SMC4: variants seen among roughly 807,000 people sequenced by gnomAD.
The protein encoded by SMC4 is structural maintenance of chromosomes protein 4.
A neutral mutation model predicts 145.6 loss-of-function variants in SMC4; 87 were observed. The ratio of observed to expected loss-of-function variants is 0.60; its 90% confidence interval spans 0.50 to 0.71. The LOEUF is 0.71. SMC4 is among the 30% of genes least tolerant of loss of function. The probability of loss-of-function intolerance (pLI) is 0.00; values close to 1 mark genes in which losing one functional copy is unlikely to be tolerated. For synonymous variants in SMC4, 558 were observed against 500.7 expected (o/e 1.11, Z -1.53); for missense variants, 1,447 against 1,537.1 (o/e 0.94, Z 0.98).
chr3:160,413,793 T>C (rs1716286203), intron 8 of SMC4, 180 bp downstream of exon 8: 1 of 413,406 alleles, frequency 2.4e-6, no homozygotes, highest in Non-Finnish European at 4.3e-6. Context: ...CAGATGAAAT[T>C]CCCTACTCTG....
chr3:160,423,386 T>G (rs1553774385), intron 13 of SMC4, 39 bp from the exon 14 acceptor site: 1 of 1,234,650 alleles, frequency 8.1e-7, no homozygotes, highest in Admixed American at 2.5e-5. Context: ...TTCTTTTTTG[T>G]TAACTGTTGT....
intron 9 of SMC4, among the ~76,000 whole-genome samples, chr3:160,415,481 T>C (rs1716483774): frequency 6.6e-6 from 1 of 152,254 alleles, no homozygotes; most frequent in Non-Finnish European, 1.5e-5. Context: ...AAAAAAGCTT[T>C]GTTCCATATG....
chr3:160,414,417 C>A lies in SMC4; in HGVS notation c.1172C>A (p.Thr391Lys). Residue 391 changes from threonine to lysine, a missense_variant, in exon 9 of 24, where the codon ACA becomes AAA. By Grantham distance (78) the Thr-to-Lys change is moderately conservative. Coordinates refer to ENST00000357388, the MANE Select transcript of SMC4 (RefSeq NM_001002800.3). ...KFIEENKEKF[T>K]QLDLEDVQVR... ...ATTGAGGAGAATAAAGAAAAATTTA[C>A]ACAGCTAGATTTGGAAGATGTTCAA... The A allele has an allele frequency of 6.2e-7, 1 of 1,608,986 alleles. No homozygotes were observed. Among genetic ancestry groups the A allele is most frequent in the Non-Finnish European group, 8.5e-7 (1 of 1,177,454 alleles).
intron 11 of SMC4, 88 bp downstream of exon 11, chr3:160,418,044 G>A: frequency 9.9e-7 from 1 of 1,015,110 alleles, no homozygotes; most frequent in South Asian, 1.5e-5. Context: ...CGTCAGAGGT[G>A]ACTAGTGATA....
intron 6 of SMC4, 70 bp downstream of exon 6, chr3:160,412,154 C>A: frequency 6.6e-7 from 1 of 1,524,914 alleles, no homozygotes; most frequent in South Asian, 1.2e-5. Flanking sequence ...TTTAGTAAGT[C>A]AGATATTCAT....
At position 160,423,360 on chromosome 3, in the gene SMC4, T is replaced by G. The variant is rs563064992; in HGVS notation, c.2020-65T>G. On this transcript the variant is annotated intron_variant, in intron 13 of 23. Coordinates refer to ENST00000357388, the MANE Select transcript of SMC4 (RefSeq NM_001002800.3). ...ATTTATTCCTATGGGTTTTTTTTTG[T>G]TTTTTTTTTTGAGTTTTCTTTTTTG... The G allele has an allele frequency of 7.1e-4, 507 of 713,148 alleles. 23 individuals carry two copies. The highest frequency in any genetic ancestry group is 1.2e-3 in the Admixed American group (31 of 25,566). The allele number at this position is 713,148 out of a possible 1,614,324, so 44.2% of individuals were successfully genotyped here.
chr3:160,402,385 AT>A (rs59649836), intron 3 of SMC4, among the ~76,000 whole-genome samples: 18,809 of 151,552 alleles, frequency 0.12, 1,940 homozygotes, highest in African/African-American at 0.28. Flanking sequence ...CCCTTGGATA[AT>A]TTTTTTTTCT....
At chr3:160,404,938 C>T (rs1715154548) in intron 5 of SMC4, 1 of 335,854 alleles carries the variant, frequency 3.0e-6, no homozygotes, top group Non-Finnish European at 5.9e-6. Flanking sequence ...TTCTTATTAT[C>T]TCTTCTGATA....
intron 19 of SMC4, 27 bp downstream of exon 19, chr3:160,430,770 A>G (rs757566983): frequency 1.3e-6 from 2 of 1,594,258 alleles, no homozygotes; most frequent in African/African-American, 2.7e-5. Context: ...ATTGAAGAGG[A>G]GATGGGATGA....
chr3:160,432,010 G>A (rs1163579655), intron 21 of SMC4, among the ~76,000 whole-genome samples, 185 bp downstream of exon 21: 1 of 152,168 alleles, frequency 6.6e-6, no homozygotes, highest in Non-Finnish European at 1.5e-5. Flanking sequence ...AGACCAGCTG[G>A]GCCAACATAG....
In SMC4 at chr3:160,433,192, G is replaced by A; in HGVS notation, c.3697G>A (p.Val1233Ile). 1 of 1,612,420 alleles carries A rather than the reference G, an allele frequency of 6.2e-7. No individual in the cohort carries two copies. Among genetic ancestry groups the A allele is most frequent in the Non-Finnish European group, 8.5e-7 (1 of 1,178,956 alleles). Residue 1233 changes from valine (V) to isoleucine (I), a missense_variant, in exon 23 of 24, where the codon GTT becomes ATT. Transcript: ENST00000357388. ...CCTTGATTTTAAAAATGTGTCCATT[G>A]TTGCATTTTATATATATGTAAGTAA... The part of the protein sequence containing the change: ...AALDFKNVSI[V>I]AFYIYEQTKN...
At chr3:160,417,428 CAT>C (rs1407214352) in intron 10 of SMC4, among the ~76,000 whole-genome samples, 2 of 152,174 alleles carry the variant, frequency 1.3e-5, no homozygotes, top group Non-Finnish European at 2.9e-5. Flanking sequence ...ATTGAGTACT[CAT>C]GTGCCCTGCA....
At chr3:160,430,972 A>C in intron 19 of SMC4, 60 bp from the exon 20 acceptor site, 1 of 1,501,092 alleles carries the variant, frequency 6.7e-7, no homozygotes, top group Non-Finnish European at 9.0e-7. Flanking sequence ...TCATCTCTGT[A>C]ATGTGAAAAT....
intron 17 of SMC4, among the ~76,000 whole-genome samples, chr3:160,428,544 G>A (rs892109065): frequency 1.3e-5 from 2 of 152,018 alleles, no homozygotes; most frequent in Non-Finnish European, 2.9e-5. Context: ...GTTTACAGCC[G>A]AGCTAGTGTG....
intron 7 of SMC4, 60 bp downstream of exon 7, chr3:160,412,513 C>T: frequency 6.7e-6 from 10 of 1,492,472 alleles, no homozygotes; most frequent in Non-Finnish European, 8.9e-6. Context: ...TAAGTCAAAG[C>T]CCTTCTCTTT....
At chr3:160,406,157 A>C (rs759562059) in intron 5 of SMC4, among the ~76,000 whole-genome samples, 26 of 152,104 alleles carry the variant, frequency 1.7e-4, no homozygotes, top group Non-Finnish European at 3.7e-4. Flanking sequence ...TGCTAAAGCC[A>C]ATTTGTTCAC....
At chr3:160,427,932 C>T (rs944405305) in intron 17 of SMC4, among the ~76,000 whole-genome samples, 3 of 151,934 alleles carry the variant, frequency 2.0e-5, no homozygotes, top group African/African-American at 4.9e-5. Flanking sequence ...TTGAAAAATA[C>T]ACACGCACGC....
In SMC4 at chr3:160,423,274, T is replaced by C. The variant is rs1421047830; in HGVS notation, c.2020-151T>C. On this transcript the variant is annotated intron_variant, in intron 13 of 23. Transcript: ENST00000357388. Reference sequence around the variant, plus strand: ...AATCTTTAGAACCACAAACATGAGATGTCTTCCGTTTAGGTCTAATTTTAG... The same window carrying C: ...AATCTTTAGAACCACAAACATGAGACGTCTTCCGTTTAGGTCTAATTTTAG... The C allele has an allele frequency of 6.8e-6, 4 of 590,988 alleles. No individual in the cohort carries two copies. The Admixed American group carries it at 1.4e-4, about 20-fold the overall frequency. The allele number at this position is 590,988 out of a possible 1,614,324, so 36.6% of individuals were successfully genotyped here.
intron 17 of SMC4, among the ~76,000 whole-genome samples, chr3:160,426,756 G>GC (rs1369022002): frequency 5.3e-5 from 8 of 152,196 alleles, no homozygotes; most frequent in African/African-American, 1.2e-4. Context: ...ATGCACTTGA[G>GC]CAGCTGTGCT....
Sources: gnomAD v4.1 joint callset for allele counts (sites outside exome capture counted in the v4.1 genomes callset) on GRCh38, gnomAD v4.1.1 for gene constraint, MANE v1.5 for transcripts, NCBI Gene and HGNC (gene_info 2026-07-23, HGNC 2026-07-21) for gene names.